KIF6: variants seen among roughly 807,000 people sequenced by gnomAD.
KIF6 encodes kinesin family member 6.
Under a neutral mutation model 112.7 loss-of-function variants are expected in KIF6, and 106 were observed. That is an observed-to-expected ratio of 0.94 (90% CI 0.80 to 1.11). KIF6 has a LOEUF of 1.11. KIF6 is among the 50% of genes least tolerant of loss of function. The pLI is 0.00. For synonymous variants in KIF6, 339 were observed against 339.9 expected (o/e 1.00, Z 0.03); for missense variants, 929 against 964.0 (o/e 0.96, Z 0.48).
chr6:39,673,420 A>G (rs981367612), intron 3 of KIF6, among the ~76,000 whole-genome samples: 3 of 152,216 alleles, frequency 2.0e-5, no homozygotes, highest in African/African-American at 7.2e-5. Flanking sequence ...GTAAGTTAAC[A>G]CTTAGCATAC....
At chr6:39,413,763 T>A (rs1369718646) in intron 15 of KIF6, among the ~76,000 whole-genome samples, 1 of 152,134 alleles carries the variant, frequency 6.6e-6, no homozygotes, top group Non-Finnish European at 1.5e-5. Context: ...CTAGTTGTAC[T>A]CCTTAGATTC....
At chr6:39,642,127 A>G (rs1308640059) in intron 3 of KIF6, among the ~76,000 whole-genome samples, 2 of 152,160 alleles carry the variant, frequency 1.3e-5, no homozygotes, top group African/African-American at 2.4e-5. Context: ...CATCTGTCCT[A>G]AGGAAAAATA....
intron 3 of KIF6, among the ~76,000 whole-genome samples, chr6:39,701,592 T>C (rs1788881775): frequency 6.6e-6 from 1 of 152,216 alleles, no homozygotes; most frequent in Non-Finnish European, 1.5e-5. Context: ...AAGATAAAAT[T>C]GTTAAGAATT....
intron 13 of KIF6, among the ~76,000 whole-genome samples, chr6:39,508,576 G>T (rs1776577434): frequency 6.6e-6 from 1 of 152,174 alleles, no homozygotes; most frequent in South Asian, 2.1e-4. Context: ...GGCTGGCTCG[G>T]TGGGTCCCAT....
At chr6:39,517,849 C>T (rs1777167541) in intron 13 of KIF6, among the ~76,000 whole-genome samples, 2 of 152,322 alleles carry the variant, frequency 1.3e-5, no homozygotes, top group African/African-American at 4.8e-5. Flanking sequence ...TCCTGCCTAT[C>T]TCCTCGTAGG....
Position 39,462,852 on chromosome 6 carries a change from C to T in KIF6, c.1646-31691G>A, listed in dbSNP as rs184612283. Reference sequence around the variant, plus strand: ...ACAGAGAAAATATTCAGTTAATTTTCATTAGTTGATGATTAGATATAGAGC... The same window carrying T: ...ACAGAGAAAATATTCAGTTAATTTTTATTAGTTGATGATTAGATATAGAGC... On this transcript the variant is annotated intron_variant, in intron 13 of 22. Coordinates refer to ENST00000287152, the MANE Select transcript of KIF6 (RefSeq NM_145027.6). 1.8e-4 allele frequency among the ~76,000 whole-genome samples: 27 copies of T among 151,934 alleles called. No individual in the cohort carries two copies. In the East Asian group the frequency reaches 5.2e-3, roughly 29 times the overall value.
chr6:39,649,016 T>C (rs1393377006), intron 3 of KIF6, among the ~76,000 whole-genome samples: 2 of 147,526 alleles, frequency 1.4e-5, no homozygotes, highest in Non-Finnish European at 3.0e-5. Flanking sequence ...AAAAAAAAAT[T>C]AGTTGGGTGT....
At chr6:39,537,939 C>A (rs879824227) in intron 13 of KIF6, among the ~76,000 whole-genome samples, 2 of 152,166 alleles carry the variant, frequency 1.3e-5, no homozygotes, top group Non-Finnish European at 2.9e-5. Context: ...TGATCTTTGA[C>A]AAACCTGAGA....
intron 3 of KIF6, among the ~76,000 whole-genome samples, chr6:39,657,890 C>A (rs1369156457): frequency 2.0e-5 from 3 of 152,110 alleles, no homozygotes; most frequent in Non-Finnish European, 4.4e-5. Context: ...TTTGTCAAAC[C>A]CCAAAAGTGA....
At chr6:39,638,547 T>C (rs1362165287) in intron 4 of KIF6, among the ~76,000 whole-genome samples, 1 of 152,156 alleles carries the variant, frequency 6.6e-6, no homozygotes, top group Non-Finnish European at 1.5e-5. Context: ...CATGCAAAGC[T>C]GGCATGTTTG....
At chr6:39,717,359 G>A (rs1599113) in intron 2 of KIF6, among the ~76,000 whole-genome samples, 48,879 of 151,794 alleles carry the variant, frequency 0.32, 9,258 homozygotes, top group Non-Finnish European at 0.41. Context: ...CAAACATGCC[G>A]GGCGTTCTCC....
At chr6:39,536,072 A>C (rs934323217) in intron 13 of KIF6, among the ~76,000 whole-genome samples, 1 of 151,838 alleles carries the variant, frequency 6.6e-6, no homozygotes, top group Non-Finnish European at 1.5e-5. Flanking sequence ...CAGTGTGTAG[A>C]GGGAAATTTA....
chr6:39,565,610 G>T (rs537584363), intron 10 of KIF6, among the ~76,000 whole-genome samples: 1 of 152,200 alleles, frequency 6.6e-6, no homozygotes, highest in African/African-American at 2.4e-5. Flanking sequence ...ACACCCAAAG[G>T]TTAAGTTCTT....
chr6:39,418,759 G>T (rs1770117135), intron 15 of KIF6, among the ~76,000 whole-genome samples: 1 of 152,208 alleles, frequency 6.6e-6, no homozygotes, highest in African/African-American at 2.4e-5. Flanking sequence ...GGCCACAGAG[G>T]GGACTGTGGG....
chr6:39,686,503 A>C (rs1000483602), intron 3 of KIF6, among the ~76,000 whole-genome samples: 18 of 152,222 alleles, frequency 1.2e-4, no homozygotes, highest in Admixed American at 6.5e-4. Flanking sequence ...CAAGGTGAGT[A>C]GTTTGAGAAA....
At chr6:39,365,806 G>T (rs1765515228) in intron 16 of KIF6, among the ~76,000 whole-genome samples, 1 of 152,212 alleles carries the variant, frequency 6.6e-6, no homozygotes, top group Non-Finnish European at 1.5e-5. Context: ...AGCCCAGTAC[G>T]TGAGAGACTG....
chr6:39,462,230 T>C (rs912664698), intron 13 of KIF6, among the ~76,000 whole-genome samples: 9 of 152,210 alleles, frequency 5.9e-5, no homozygotes, highest in Admixed American at 5.2e-4. Flanking sequence ...TTTGCTTTCC[T>C]GATAAAGAGA....
chr6:39,613,111 C>CTT (rs144405585), intron 6 of KIF6, 78 bp downstream of exon 6: 1,888 of 1,077,888 alleles, frequency 1.8e-3, no homozygotes, highest in Middle Eastern at 3.3e-3. Flanking sequence ...TCTATTATAT[C>CTT]TTTTTTTTTT....
At chr6:39,501,279 C>A (rs1238360346) in intron 13 of KIF6, among the ~76,000 whole-genome samples, 1 of 152,094 alleles carries the variant, frequency 6.6e-6, no homozygotes, top group Non-Finnish European at 1.5e-5. Context: ...GAAAAACAAA[C>A]AAACAAACAG....
Sources: allele counts gnomAD v4.1 joint callset (sites outside exome capture counted in the v4.1 genomes callset), GRCh38; gene constraint gnomAD v4.1.1; transcripts MANE v1.5; gene names NCBI Gene and HGNC (gene_info 2026-07-23, HGNC 2026-07-21).